The following DCC variants were observed in gnomAD, a reference collection of about 807,000 sequenced individuals.
DCC encodes the protein netrin receptor DCC.
A neutral mutation model predicts 172.5 loss-of-function variants in DCC; 58 were observed. That is an observed-to-expected ratio of 0.34 (90% CI 0.27 to 0.42). DCC has a LOEUF of 0.42. Among genes scored for constraint, DCC ranks in the 10% least tolerant of loss-of-function variants. DCC has a pLI of 1.00. For missense variants in DCC, 1,740 were observed against 1,791.0 expected, an observed-to-expected ratio of 0.97 and a Z score of 0.51; for synonymous variants, 709 against 644.5, an observed-to-expected ratio of 1.10 and a Z score of -1.52.
intron 1 of DCC, among the ~76,000 whole-genome samples, chr18:52,498,093 G>A (rs546887917): frequency 6.6e-6 from 1 of 152,102 alleles, no homozygotes; most frequent in Non-Finnish European, 1.5e-5. Context: ...TTTGAATTTT[G>A]TATAATTTTT....
intron 14 of DCC, among the ~76,000 whole-genome samples, chr18:53,326,941 C>A (rs538691373): frequency 1.3e-4 from 20 of 152,154 alleles, no homozygotes; most frequent in African/African-American, 4.8e-4. Flanking sequence ...GTATAACTTA[C>A]CCCCCTGCTT....
chr18:53,368,973 A>C, intron 15 of DCC, among the ~76,000 whole-genome samples: 1 of 152,006 alleles, frequency 6.6e-6, no homozygotes, highest in East Asian at 1.9e-4. Context: ...TTCTAAAAAA[A>C]ATCACTAGAA....
At position 52,610,814 on chromosome 18, in the gene DCC, A is replaced by T. The variant is rs184622159; in HGVS notation, c.92-141240A>T. Reference sequence around the variant, plus strand: ...TTCATATAATTTTTTAAGTTACAAAATCTTCTTTTGATTTTTTTTCTACCC... The same window carrying T: ...TTCATATAATTTTTTAAGTTACAAATTCTTCTTTTGATTTTTTTTCTACCC... On this transcript the variant is annotated intron_variant, in intron 1 of 28. Coordinates refer to ENST00000442544, the MANE Select transcript of DCC (RefSeq NM_005215.4). Among the ~76,000 whole-genome samples, 12 of 151,816 alleles carry T rather than the reference A, an allele frequency of 7.9e-5. No homozygotes were observed. The East Asian group carries it at 2.1e-3, about 27-fold the overall frequency.
intron 2 of DCC, among the ~76,000 whole-genome samples, chr18:52,836,032 C>T (rs1435306965): frequency 1.1e-4 from 17 of 152,088 alleles, no homozygotes; most frequent in Non-Finnish European, 2.4e-4. Context: ...GGGAAGCAAA[C>T]ATGTCCTTCT....
chr18:53,335,898 C>G (rs377491692), intron 14 of DCC, among the ~76,000 whole-genome samples: 50 of 152,132 alleles, frequency 3.3e-4, no homozygotes, highest in African/African-American at 1.2e-3. Context: ...GGGAAAGTCC[C>G]CTTTATAAAA....
intron 5 of DCC, among the ~76,000 whole-genome samples, chr18:53,044,504 A>G (rs972081573): frequency 8.6e-5 from 13 of 151,858 alleles, no homozygotes; most frequent in African/African-American, 3.1e-4. Flanking sequence ...TACATAAAAT[A>G]TAAGGCATGG....
intron 22 of DCC, among the ~76,000 whole-genome samples, chr18:53,446,098 C>CAAAAAAAAAAAA: frequency 3.1e-5 from 1 of 32,288 alleles, no homozygotes; most frequent in Non-Finnish European, 1.1e-4. Context: ...CCTGTCTCTA[C>CAAAAAAAAAAAA]AAAAAAAAAA....
At chr18:52,365,623 C>G (rs1984814651) in intron 1 of DCC, among the ~76,000 whole-genome samples, 1 of 152,088 alleles carries the variant, frequency 6.6e-6, no homozygotes, top group Non-Finnish European at 1.5e-5. Flanking sequence ...CAAAGGGATG[C>G]TAAACTGGGT....
chr18:52,583,339 G>A (rs1443316316), intron 1 of DCC, among the ~76,000 whole-genome samples: 1 of 152,112 alleles, frequency 6.6e-6, no homozygotes, highest in Non-Finnish European at 1.5e-5. Context: ...AAAATACCCA[G>A]AAATAAATCT....
intron 1 of DCC, among the ~76,000 whole-genome samples, chr18:52,393,811 C>T (rs1034258937): frequency 1.3e-5 from 2 of 152,154 alleles, no homozygotes; most frequent in South Asian, 4.2e-4. Context: ...ATCTGGGCTC[C>T]AACCACAGGC....
intron 27 of DCC, among the ~76,000 whole-genome samples, chr18:53,508,217 G>GTCTC (rs2046207344): frequency 1.4e-5 from 2 of 139,750 alleles, no homozygotes; most frequent in African/African-American, 5.3e-5. Context: ...TTTTTAGACA[G>GTCTC]TCTCTTACTC....
chr18:52,972,226 G>A (rs909899979), intron 5 of DCC, among the ~76,000 whole-genome samples: 3 of 152,130 alleles, frequency 2.0e-5, no homozygotes, highest in Non-Finnish European at 4.4e-5. Flanking sequence ...GTCCTAGTGA[G>A]AGTAAACAAA....
At chr18:53,455,653 T>C (rs2045473882) in intron 23 of DCC, among the ~76,000 whole-genome samples, 1 of 152,226 alleles carries the variant, frequency 6.6e-6, no homozygotes, top group Admixed American at 6.5e-5. Flanking sequence ...ACAAATCTGA[T>C]TAATATTAAC....
chr18:53,332,541 A>G (rs1213456711), intron 14 of DCC, among the ~76,000 whole-genome samples: 6 of 152,310 alleles, frequency 3.9e-5, no homozygotes, highest in African/African-American at 1.4e-4. Context: ...TTTAGTCATT[A>G]TTAGGAACAA....
At chr18:52,770,781 G>T (rs1207922752) in intron 2 of DCC, among the ~76,000 whole-genome samples, 1 of 152,206 alleles carries the variant, frequency 6.6e-6, no homozygotes, top group Admixed American at 6.5e-5. Context: ...AGGACTTGGT[G>T]AGTCATGGAA....
At position 52,722,638 on chromosome 18, in the gene DCC, T is replaced by G. The variant is rs536086920; in HGVS notation, c.92-29416T>G. On this transcript the variant is annotated intron_variant, in intron 1 of 28. Coordinates refer to ENST00000442544, the MANE Select transcript of DCC (RefSeq NM_005215.4). ...TAATGGCGGTTTTTGCAATAATAAA[T>G]GTCCTCCCAATTGTTCAGACGCATC... 8.5e-5 allele frequency among the ~76,000 whole-genome samples: 13 copies of G among 152,304 alleles called. No homozygotes were observed. The South Asian group carries it at 2.1e-3, about 24-fold the overall frequency.
chr18:52,694,361 A>T (rs2035977916), intron 1 of DCC, among the ~76,000 whole-genome samples: 1 of 152,100 alleles, frequency 6.6e-6, no homozygotes, highest in African/African-American at 2.4e-5. Flanking sequence ...CATTAGTGTA[A>T]AAAACTGGTG....
chr18:52,701,790 C>CTATT (rs2036127448), intron 1 of DCC, among the ~76,000 whole-genome samples: 2 of 152,260 alleles, frequency 1.3e-5, no homozygotes, highest in African/African-American at 4.8e-5. Context: ...TCTCACTGTG[C>CTATT]TATTGTACAC....
chr18:53,189,807 T>C (rs995978536), intron 9 of DCC, among the ~76,000 whole-genome samples: 1 of 152,224 alleles, frequency 6.6e-6, no homozygotes, highest in Non-Finnish European at 1.5e-5. Context: ...TTGCTGAAGG[T>C]GCCTGTGAGA....
Sources: gnomAD v4.1 joint callset for allele counts (sites outside exome capture counted in the v4.1 genomes callset) on GRCh38, gnomAD v4.1.1 for gene constraint, MANE v1.5 for transcripts, NCBI Gene and HGNC (gene_info 2026-07-23, HGNC 2026-07-21) for gene names.